NRG1: variants seen among roughly 807,000 people sequenced by gnomAD.
The protein encoded by NRG1 is pro-neuregulin-1, membrane-bound isoform.
NRG1 carries 18 observed loss-of-function variants against 63.8 expected under a neutral mutation model. The ratio of observed to expected loss-of-function variants is 0.28; its 90% CI spans 0.19 to 0.42. NRG1 has a LOEUF of 0.42. Ranked by LOEUF, NRG1 falls within the 10% of genes least tolerant of loss-of-function variation. The pLI is 1.00. For missense variants in NRG1, 762 were observed against 814.7 expected, an observed-to-expected ratio of 0.94 and a Z score of 0.79; for synonymous variants, 302 against 301.3, an observed-to-expected ratio of 1.00 and a Z score of -0.02.
At chr8:32,209,374 C>CT (rs11375124) in intron 1 of NRG1, among the ~76,000 whole-genome samples, 2,355 of 152,056 alleles carry the variant, frequency 0.015, 74 homozygotes, top group African/African-American at 0.054. Context: ...GTTTTTCTAG[C>CT]TTTTTTTATT....
At chr8:31,643,013 A>T (rs1803952485) in intron 1 of NRG1, among the ~76,000 whole-genome samples, 1 of 151,944 alleles carries the variant, frequency 6.6e-6, no homozygotes, top group Admixed American at 6.6e-5. Flanking sequence ...AGAGAGAATG[A>T]ATGAATGTGT....
intron 8 of NRG1, among the ~76,000 whole-genome samples, chr8:32,755,175 G>T (rs974279916): frequency 6.6e-6 from 1 of 152,072 alleles, no homozygotes; most frequent in Admixed American, 6.6e-5. Context: ...ATAGATTTGG[G>T]TTCCCTATGT....
chr8:31,794,616 T>C (rs1209599647), intron 1 of NRG1, among the ~76,000 whole-genome samples: 2 of 151,996 alleles, frequency 1.3e-5, no homozygotes, highest in African/African-American at 2.4e-5. Context: ...CTGTGTTGTT[T>C]TGGGATATAT....
intron 5 of NRG1, among the ~76,000 whole-genome samples, chr8:32,712,038 C>A (rs1817948954): frequency 6.6e-6 from 1 of 152,052 alleles, no homozygotes; most frequent in South Asian, 2.1e-4. Flanking sequence ...TTACCCTTAC[C>A]GTACATGGCC....
At position 32,373,886 on chromosome 8, in the gene NRG1, A is replaced by G. The variant is rs541968855; in HGVS notation, c.38-221942A>G. On this transcript the variant is annotated intron_variant, in intron 1 of 10. Transcript: ENST00000519301. ...ATGCTTCTAAGATGAATAATACACA[A>G]TTAAGTCAATTACCTGACTTCAAAT... is the stretch of plus-strand genomic sequence containing the variant. 4.7e-4 allele frequency among the ~76,000 whole-genome samples: 71 copies of G among 152,344 alleles called. 2 individuals carry two copies. In the South Asian group the frequency reaches 0.014, roughly 31 times the overall value.
exon 12 of NRG1, chr8:32,767,711 T>C (rs1831539764): frequency 6.6e-6 from 1 of 152,128 alleles, no homozygotes; most frequent in Non-Finnish European, 1.5e-5. Context: ...ATATGTTCTT[T>C]TGTTTTTCTT....
intron 1 of NRG1, among the ~76,000 whole-genome samples, chr8:31,822,937 T>A (rs572194769): frequency 2.0e-5 from 3 of 152,252 alleles, no homozygotes; most frequent in Admixed American, 2.0e-4. Flanking sequence ...TATGAATTGA[T>A]GTGGCTACAA....
intron 1 of NRG1, among the ~76,000 whole-genome samples, chr8:32,494,655 C>T (rs889911755): frequency 6.6e-6 from 1 of 152,100 alleles, no homozygotes; most frequent in Non-Finnish European, 1.5e-5. Flanking sequence ...CAGTTGGAGA[C>T]AGACAACAAA....
intron 1 of NRG1, among the ~76,000 whole-genome samples, chr8:32,175,098 CTG>C (rs1840553688): frequency 6.6e-6 from 1 of 152,182 alleles, no homozygotes; most frequent in South Asian, 2.1e-4. Flanking sequence ...TACTAGCAAA[CTG>C]AATCCAGCAG....
chr8:32,645,268 C>T (rs907619674), intron 5 of NRG1, among the ~76,000 whole-genome samples: 3 of 152,184 alleles, frequency 2.0e-5, no homozygotes, highest in Non-Finnish European at 4.4e-5. Flanking sequence ...AGAGGTCTCA[C>T]TGCTTTGAAG....
At chr8:31,979,334 C>T (rs956002955) in intron 1 of NRG1, among the ~76,000 whole-genome samples, 6 of 152,068 alleles carry the variant, frequency 3.9e-5, no homozygotes, top group Non-Finnish European at 5.9e-5. Context: ...TCTGAACCAT[C>T]CTCTCTAATC....
At chr8:31,845,357 T>A (rs967219878) in intron 1 of NRG1, among the ~76,000 whole-genome samples, 1 of 152,202 alleles carries the variant, frequency 6.6e-6, no homozygotes, top group Non-Finnish European at 1.5e-5. Context: ...ATTTCACTTG[T>A]AAAGCATTAA....
chr8:32,417,890 A>G (rs1816151015), intron 1 of NRG1, among the ~76,000 whole-genome samples: 1 of 152,290 alleles, frequency 6.6e-6, no homozygotes, highest in South Asian at 2.1e-4. Context: ...TTAGGAAAGT[A>G]TATTCACCAT....
intron 1 of NRG1, among the ~76,000 whole-genome samples, chr8:31,707,159 T>C (rs1211030324): frequency 6.6e-6 from 1 of 152,118 alleles, no homozygotes; most frequent in East Asian, 1.9e-4. Flanking sequence ...TTTTGTACTT[T>C]TGTATTATCT....
intron 1 of NRG1, among the ~76,000 whole-genome samples, chr8:31,928,645 T>TAC (rs772195542): frequency 0.077 from 5,512 of 71,178 alleles, 116 homozygotes; most frequent in Non-Finnish European, 0.13. Flanking sequence ...ACTATATATA[T>TAC]ATATACACAC....
chr8:32,411,947 T>G (rs956398007), intron 1 of NRG1, among the ~76,000 whole-genome samples: 2 of 152,198 alleles, frequency 1.3e-5, no homozygotes, highest in Non-Finnish European at 2.9e-5. Context: ...ATGTATGAAC[T>G]TGACCAAGCC....
chr8:32,106,339 G>T (rs1384690649), intron 1 of NRG1, among the ~76,000 whole-genome samples: 2 of 152,190 alleles, frequency 1.3e-5, no homozygotes, highest in Non-Finnish European at 2.9e-5. Flanking sequence ...TGGCCAACTG[G>T]CAACCATATG....
At chr8:31,716,685 T>A (rs1317317109) in intron 1 of NRG1, among the ~76,000 whole-genome samples, 1 of 152,246 alleles carries the variant, frequency 6.6e-6, no homozygotes, top group Non-Finnish European at 1.5e-5. Flanking sequence ...TGTATTTTTA[T>A]GTACATTTAT....
At chr8:31,644,103 A>C (rs911248643) in intron 1 of NRG1, among the ~76,000 whole-genome samples, 2 of 152,212 alleles carry the variant, frequency 1.3e-5, no homozygotes, top group Non-Finnish European at 2.9e-5. Flanking sequence ...ATGAAAGAAA[A>C]TGCTGCAGAG....
Sources: gnomAD v4.1 joint callset for allele counts (sites outside exome capture counted in the v4.1 genomes callset) on GRCh38, gnomAD v4.1.1 for gene constraint, MANE v1.5 for transcripts, NCBI Gene and HGNC (gene_info 2026-07-23, HGNC 2026-07-21) for gene names.